The following ZNF704 variants were observed in gnomAD, a reference collection of about 807,000 sequenced individuals.
The protein encoded by ZNF704 is glucocorticoid induced gene 1.
ZNF704 carries 10 observed loss-of-function variants against 44.7 expected under a neutral mutation model. The observed-to-expected ratio is 0.22, with a 90% CI of 0.14 to 0.38. The LOEUF is 0.38. Among genes scored for constraint, ZNF704 ranks in the 10% least tolerant of loss-of-function variants. The pLI, the probability that ZNF704 is intolerant of heterozygous loss-of-function variation, is 1.00. For synonymous variants in ZNF704, 211 were observed against 207.6 expected (o/e 1.02, Z -0.14); for missense variants, 390 against 545.5 (o/e 0.71, Z 2.84).
chr8:80,659,836 G>A, intron 6 of ZNF704, 147 bp from the exon 7 acceptor site: 1 of 648,926 alleles, frequency 1.5e-6, no homozygotes, highest in South Asian at 2.4e-5. Flanking sequence ...GATTAAACAA[G>A]GTTAAAGGGA....
intron 2 of ZNF704, among the ~76,000 whole-genome samples, chr8:80,729,508 C>A (rs1214582599): frequency 6.6e-6 from 1 of 152,168 alleles, no homozygotes; most frequent in Non-Finnish European, 1.5e-5. Context: ...GACCTAGAAT[C>A]CCCTCCACCA....
intron 2 of ZNF704, among the ~76,000 whole-genome samples, chr8:80,759,947 G>A (rs1165360007): frequency 6.6e-6 from 1 of 152,008 alleles, no homozygotes; most frequent in African/African-American, 2.4e-5. Flanking sequence ...TGTAGAGATG[G>A]GGATCTTACT....
chr8:80,750,295 G>C (rs1024872084), intron 2 of ZNF704, among the ~76,000 whole-genome samples: 1 of 150,926 alleles, frequency 6.6e-6, no homozygotes, highest in African/African-American at 2.4e-5. Context: ...GTAACACAAC[G>C]CTACTCAATA....
chr8:80,764,602 C>T (rs1348269469), intron 2 of ZNF704, among the ~76,000 whole-genome samples: 1 of 152,116 alleles, frequency 6.6e-6, no homozygotes, highest in African/African-American at 2.4e-5. Context: ...TTCACTTCTT[C>T]CATGATCTTC....
intron 2 of ZNF704, among the ~76,000 whole-genome samples, chr8:80,796,718 G>C (rs1008192185): frequency 6.6e-6 from 1 of 152,096 alleles, no homozygotes; most frequent in Non-Finnish European, 1.5e-5. Context: ...GAAGAAGACT[G>C]GGTGTGGTGG....
At chr8:80,802,058 T>TA (rs1807910635) in intron 2 of ZNF704, among the ~76,000 whole-genome samples, 1 of 151,684 alleles carries the variant, frequency 6.6e-6, no homozygotes, top group Admixed American at 6.6e-5. Flanking sequence ...TCTATGCACA[T>TA]AAACTAGAAA....
At chr8:80,760,806 G>A (rs867759833) in intron 2 of ZNF704, among the ~76,000 whole-genome samples, 22 of 152,158 alleles carry the variant, frequency 1.4e-4, no homozygotes, top group Middle Eastern at 6.8e-3. Context: ...GGTTTCTGCA[G>A]AGGAAACTTA....
At chr8:80,753,374 T>A (rs1806980897) in intron 2 of ZNF704, among the ~76,000 whole-genome samples, 1 of 151,984 alleles carries the variant, frequency 6.6e-6, no homozygotes, top group Non-Finnish European at 1.5e-5. Flanking sequence ...ACAATCTTCC[T>A]GCCCACCAGC....
chr8:80,802,913 T>A (rs953351315), intron 2 of ZNF704, among the ~76,000 whole-genome samples: 2 of 152,130 alleles, frequency 1.3e-5, no homozygotes, highest in Non-Finnish European at 2.9e-5. Context: ...TGTTTACAGA[T>A]GACAAGATCC....
chr8:80,724,927 T>C (rs1275032943), intron 2 of ZNF704, among the ~76,000 whole-genome samples: 3 of 152,202 alleles, frequency 2.0e-5, no homozygotes, highest in African/African-American at 7.2e-5. Flanking sequence ...GTCTGAACAA[T>C]TTCCAGTGGC....
intron 1 of ZNF704, among the ~76,000 whole-genome samples, chr8:80,861,990 CCT>C (rs1809069851): frequency 2.9e-5 from 4 of 135,920 alleles, no homozygotes; most frequent in Middle Eastern, 3.8e-3. Context: ...AAAAAAATAA[CCT>C]TTTTTTTTTT....
intron 2 of ZNF704, among the ~76,000 whole-genome samples, chr8:80,699,285 C>G (rs1818772833): frequency 1.3e-5 from 2 of 152,074 alleles, no homozygotes; most frequent in African/African-American, 4.8e-5. Context: ...AACTTCATTT[C>G]CATTTTGAAG....
chr8:80,759,486 AAT>A, intron 2 of ZNF704, among the ~76,000 whole-genome samples: 1 of 152,202 alleles, frequency 6.6e-6, no homozygotes, highest in Non-Finnish European at 1.5e-5. Context: ...TAACCAAGAG[AAT>A]ATGGCAAAGG....
chr8:80,670,703 C>A, intron 4 of ZNF704, 100 bp from the exon 5 acceptor site: 1 of 777,654 alleles, frequency 1.3e-6, no homozygotes, highest in Non-Finnish European at 2.2e-6. Flanking sequence ...AGAAAAGTAG[C>A]AGCATCCCCA....
intron 2 of ZNF704, among the ~76,000 whole-genome samples, chr8:80,773,672 T>C (rs1190048802): frequency 6.6e-6 from 1 of 152,228 alleles, no homozygotes; most frequent in Non-Finnish European, 1.5e-5. Context: ...TTGTGATTCA[T>C]TACTGAAGGA....
At chr8:80,880,035 TTCTGTC>T in the ZNF704 span, among the ~76,000 whole-genome samples, 3 of 152,208 alleles carry the variant, frequency 2.0e-5, no homozygotes, top group Non-Finnish European at 2.9e-5. Context: ...TCCTCTGTCT[TTCTGTC>T]TCTGTCTCTG....
At chr8:80,642,982 T>C (rs1160026937) in intron 8 of ZNF704, 53 bp downstream of exon 8, 13 of 1,255,674 alleles carry the variant, frequency 1.0e-5, no homozygotes, top group Non-Finnish European at 1.4e-5. Context: ...CTGTTCTGTT[T>C]TACAGTTAAT....
At chr8:80,655,310 A>G (rs893641770) in intron 7 of ZNF704, among the ~76,000 whole-genome samples, 1 of 152,126 alleles carries the variant, frequency 6.6e-6, no homozygotes, top group African/African-American at 2.4e-5. Context: ...CGTTGGGCAC[A>G]TGTACCCTAA....
In ZNF704 at chr8:80,635,035, C is replaced by A. The variant is rs1370265967; in HGVS notation, c.*6331G>T. The A allele has an allele frequency of 6.6e-6, 1 of 152,208 alleles. No individual in the cohort carries two copies. The highest frequency in any genetic ancestry group is 2.4e-5 in the African/African-American group (1 of 41,450). The allele number at this position is 152,208 out of a possible 1,614,324, so 9.4% of individuals were successfully genotyped here. A position where few individuals can be genotyped will look rare whatever the true frequency, so the allele number is the denominator to read the frequency against. ...TCTAAAGCCTATTTGAAACCAAGGT[C>A]TGAGTGACCTTCTGACCACCTCATA... On this transcript the variant is annotated 3_prime_UTR_variant, in exon 9 of 9. Coordinates refer to ENST00000327835, the MANE Select transcript of ZNF704 (RefSeq NM_001033723.3).
Sources: allele counts gnomAD v4.1 joint callset (sites outside exome capture counted in the v4.1 genomes callset), GRCh38; gene constraint gnomAD v4.1.1; transcripts MANE v1.5; gene names NCBI Gene and HGNC (gene_info 2026-07-23, HGNC 2026-07-21).